The following CMIP variants were observed in gnomAD, a reference collection of about 807,000 sequenced individuals.
CMIP encodes C-Maf-inducing protein.
Under a neutral mutation model 97.3 loss-of-function variants are expected in CMIP, and 13 were observed. That is an observed-to-expected ratio of 0.13 (90% CI 0.09 to 0.21). The LOEUF is 0.21. Ranked by LOEUF, CMIP falls within the 10% of genes least tolerant of loss-of-function variation. CMIP has a pLI of 1.00. For synonymous variants in CMIP, 538 were observed against 436.3 expected (o/e 1.23, Z -2.91); for missense variants, 847 against 1,024.9 (o/e 0.83, Z 2.37).
rs545608149 is a variant in CMIP at position 81,676,069 on chromosome 16, T to TG, written c.1035-2204dup. On this transcript the variant is annotated intron_variant, in intron 9 of 20. Transcript: ENST00000537098. ...CCTCTGGCTGCTGCTGTGAGGAGGA[T>TG]GGAGTAGGGGGCAGGCGTGACCCTG... Among the ~76,000 whole-genome samples, 97 of 152,134 alleles carry TG rather than the reference T, an allele frequency of 6.4e-4. 1 individual carries two copies. The East Asian group carries it at 0.017, about 26-fold the overall frequency.
At chr16:81,505,881 G>A (rs921123073) in intron 1 of CMIP, among the ~76,000 whole-genome samples, 2 of 152,240 alleles carry the variant, frequency 1.3e-5, no homozygotes, top group African/African-American at 4.8e-5. Context: ...TGTAATCCCA[G>A]CTATTCGGGA....
chr16:81,583,323 T>C lies in CMIP; in HGVS notation c.301-24244T>C, dbSNP rs1200350540. Among the ~76,000 whole-genome samples the C allele has an allele frequency of 5.9e-5, 9 of 152,362 alleles. No individual in the cohort carries two copies. In the East Asian group the frequency reaches 1.7e-3, roughly 29 times the overall value. On this transcript the variant is annotated intron_variant, in intron 1 of 20. Transcript: ENST00000537098. ...CCCCCCGGGGTCGGGGCTCCGGGCC[T>C]CTCATACAGCTGTGGGCCTGATGGT...
intron 1 of CMIP, among the ~76,000 whole-genome samples, chr16:81,478,813 A>G (rs1908084099): frequency 6.6e-6 from 1 of 152,194 alleles, no homozygotes; most frequent in Non-Finnish European, 1.5e-5. Flanking sequence ...CAGGAGACCC[A>G]GGGCTCTGGG....
At chr16:81,484,283 C>A (rs1225404614) in intron 1 of CMIP, among the ~76,000 whole-genome samples, 2 of 152,222 alleles carry the variant, frequency 1.3e-5, no homozygotes, top group African/African-American at 4.8e-5. Flanking sequence ...GTTCCACTTG[C>A]CAGCTCGAGG....
At chr16:81,599,359 GC>G (rs1282646461) in intron 1 of CMIP, among the ~76,000 whole-genome samples, 2 of 152,186 alleles carry the variant, frequency 1.3e-5, no homozygotes, top group Non-Finnish European at 2.9e-5. Context: ...CTGCCACTTT[GC>G]GTTTGCTGTA....
At chr16:81,445,642 G>A (rs932813425) in intron 1 of CMIP, 101 bp downstream of exon 1, 10 of 1,273,182 alleles carry the variant, frequency 7.9e-6, no homozygotes, top group Non-Finnish European at 1.1e-5. Flanking sequence ...CAGGGCCTGG[G>A]GGGCGGTGGG....
chr16:81,679,602 T>C (rs1164447151), intron 10 of CMIP, among the ~76,000 whole-genome samples: 1 of 151,866 alleles, frequency 6.6e-6, no homozygotes, highest in African/African-American at 2.4e-5. Context: ...TGTGTGCACA[T>C]TGGTGTTGTG....
chr16:81,590,899 A>G (rs928427305), intron 1 of CMIP, among the ~76,000 whole-genome samples: 4 of 152,172 alleles, frequency 2.6e-5, no homozygotes, highest in African/African-American at 9.7e-5. Context: ...TGAATGGTTT[A>G]GATCAGGGTT....
At chr16:81,515,764 G>A (rs150712031) in intron 1 of CMIP, among the ~76,000 whole-genome samples, 6 of 152,266 alleles carry the variant, frequency 3.9e-5, no homozygotes, top group Non-Finnish European at 8.8e-5. Context: ...GGGTGTGGTC[G>A]GGAGCCAATC....
At chr16:81,523,875 C>T (rs1460478970) in intron 1 of CMIP, among the ~76,000 whole-genome samples, 1 of 152,242 alleles carries the variant, frequency 6.6e-6, no homozygotes, top group Non-Finnish European at 1.5e-5. Flanking sequence ...CCTTGGCTCC[C>T]TCCAAACGTC....
At chr16:81,686,364 T>A (rs1597249463) in intron 10 of CMIP, among the ~76,000 whole-genome samples, 1 of 152,282 alleles carries the variant, frequency 6.6e-6, no homozygotes, top group African/African-American at 2.4e-5. Flanking sequence ...GGCCTCAGGC[T>A]CCTGCAGCTC....
At chr16:81,643,371 G>T (rs2092328501) in intron 3 of CMIP, among the ~76,000 whole-genome samples, 1 of 152,226 alleles carries the variant, frequency 6.6e-6, no homozygotes, top group South Asian at 2.1e-4. Context: ...CCCAGGGGCT[G>T]GGGGAGAGTA....
intron 1 of CMIP, among the ~76,000 whole-genome samples, chr16:81,578,922 C>A (rs1387494162): frequency 6.6e-6 from 1 of 152,248 alleles, no homozygotes; most frequent in Non-Finnish European, 1.5e-5. Context: ...TGCTTCTTCT[C>A]CTTTCTGTGC....
intron 1 of CMIP, among the ~76,000 whole-genome samples, chr16:81,470,618 T>A (rs1255274669): frequency 1.3e-5 from 2 of 152,110 alleles, no homozygotes; most frequent in Non-Finnish European, 2.9e-5. Context: ...AAATTGAGAT[T>A]TAAAAAAGCT....
Position 81,445,205 on chromosome 16 carries a change from C to G in CMIP, c.-37C>G, listed in dbSNP as rs1008675799. On this transcript the variant is annotated 5_prime_UTR_variant, in exon 1 of 21. Transcript: ENST00000537098. ...CCGCCCCAGCAGCCCAGGACAGCCC[C>G]CTCTCCCCGCCCCCAGCCCCCTCCC... 1.2e-5 allele frequency: 17 copies of G among 1,424,412 alleles called. No individual in the cohort carries two copies. The African/African-American group carries it at 1.9e-4, about 16-fold the overall frequency. The allele number at this position is 1,424,412 out of a possible 1,614,324, so 88.2% of individuals were successfully genotyped here. A position where few individuals can be genotyped will look rare whatever the true frequency, so the allele number is the denominator to read the frequency against.
chr16:81,638,251 C>T (rs987343139), intron 3 of CMIP, among the ~76,000 whole-genome samples: 16 of 152,308 alleles, frequency 1.1e-4, no homozygotes, highest in African/African-American at 3.6e-4. Context: ...AGATCCCAAA[C>T]GTGGGATGTT....
At chr16:81,572,480 A>G (rs1259289719) in intron 1 of CMIP, among the ~76,000 whole-genome samples, 3 of 152,204 alleles carry the variant, frequency 2.0e-5, no homozygotes, top group African/African-American at 7.2e-5. Flanking sequence ...GGCCTTTAAC[A>G]GTGAGTGGAC....
At chr16:81,668,969 ACT>A (rs1243827986) in intron 7 of CMIP, among the ~76,000 whole-genome samples, 1 of 65,324 alleles carries the variant, frequency 1.5e-5, no homozygotes, top group African/African-American at 6.4e-5. Context: ...CCCACCTCAC[ACT>A]CCTTCCACAC....
At chr16:81,457,613 C>G (rs971970020) in intron 1 of CMIP, among the ~76,000 whole-genome samples, 5 of 152,240 alleles carry the variant, frequency 3.3e-5, no homozygotes, top group Admixed American at 3.3e-4. Flanking sequence ...CCCGGGGGGC[C>G]ACATTACCCC....
Sources: allele counts gnomAD v4.1 joint callset (sites outside exome capture counted in the v4.1 genomes callset), GRCh38; gene constraint gnomAD v4.1.1; transcripts MANE v1.5; gene names NCBI Gene and HGNC (gene_info 2026-07-23, HGNC 2026-07-21).